Variants in SEPTIN14 observed in about 807,000 individuals in gnomAD.
SEPTIN14 encodes the protein septin 14.
SEPTIN14 carries 40 observed loss-of-function variants against 53.6 expected under a neutral mutation model. The observed-to-expected ratio is 0.75, with a 90% CI of 0.58 to 0.97. SEPTIN14 has a LOEUF of 0.97. SEPTIN14 is among the 50% of genes least tolerant of loss of function. The pLI is 0.00. For synonymous variants in SEPTIN14, 138 were observed against 166.8 expected (o/e 0.83, Z 1.33); for missense variants, 471 against 508.2 (o/e 0.93, Z 0.70).
intron 7 of SEPTIN14, among the ~76,000 whole-genome samples, chr7:55,812,034 A>T (rs1314980299): frequency 1.3e-5 from 2 of 152,106 alleles, no homozygotes; most frequent in African/African-American, 4.8e-5. Context: ...GCCTCAAGTG[A>T]TCCACCCGCC....
intron 6 of SEPTIN14, among the ~76,000 whole-genome samples, chr7:55,830,339 ATATATATATAT>A (rs747732722): frequency 0.22 from 13,369 of 59,542 alleles, 1,243 homozygotes; most frequent in East Asian, 0.48. Flanking sequence ...ATATATATAT[ATATATATATAT>A]TTTTTTTTTT....
chr7:55,826,402 C>G (rs554428121), intron 6 of SEPTIN14, among the ~76,000 whole-genome samples: 7 of 152,112 alleles, frequency 4.6e-5, no homozygotes, highest in Admixed American at 3.3e-4. Context: ...ATGGATTTCT[C>G]AAAAGAATCT....
At chr7:55,826,763 C>T (rs1490498968) in intron 6 of SEPTIN14, among the ~76,000 whole-genome samples, 1 of 150,462 alleles carries the variant, frequency 6.6e-6, no homozygotes, top group Non-Finnish European at 1.5e-5. Context: ...TGCCATTGTA[C>T]TCCAGCCTGG....
At chr7:55,827,427 G>T (rs1789009376) in intron 6 of SEPTIN14, among the ~76,000 whole-genome samples, 1 of 152,122 alleles carries the variant, frequency 6.6e-6, no homozygotes, top group African/African-American at 2.4e-5. Context: ...ATAGATGACT[G>T]GGTCTGTATG....
At chr7:55,854,866 T>C (rs966808663) in intron 2 of SEPTIN14, among the ~76,000 whole-genome samples, 1 of 152,106 alleles carries the variant, frequency 6.6e-6, no homozygotes, top group Admixed American at 6.5e-5. Context: ...AGAGAACATA[T>C]CAAAATTACA....
intron 6 of SEPTIN14, among the ~76,000 whole-genome samples, chr7:55,830,351 T>TA (rs1789087559): frequency 1.4e-5 from 1 of 69,576 alleles, no homozygotes; most frequent in Non-Finnish European, 2.5e-5. Context: ...ATATATATAT[T>TA]TTTTTTTTTT....
intron 6 of SEPTIN14, among the ~76,000 whole-genome samples, chr7:55,829,751 G>A (rs1265469111): frequency 1.4e-5 from 2 of 138,114 alleles, no homozygotes; most frequent in Non-Finnish European, 3.0e-5. Context: ...AACCTGGGAG[G>A]CAGAGGTTGC....
chr7:55,819,277 C>T (rs1788850405), intron 6 of SEPTIN14, 54 bp from the exon 7 acceptor site: 3 of 1,198,984 alleles, frequency 2.5e-6, no homozygotes, highest in African/African-American at 3.0e-5. Context: ...AGAGCTTACT[C>T]TATTACTCTC....
intron 2 of SEPTIN14, among the ~76,000 whole-genome samples, chr7:55,847,446 TA>T (rs1789434829): frequency 6.6e-6 from 1 of 152,168 alleles, no homozygotes; most frequent in African/African-American, 2.4e-5. Flanking sequence ...GAACATATTG[TA>T]AGTCAAAACT....
At chr7:55,821,486 C>G (rs1788895986) in intron 6 of SEPTIN14, among the ~76,000 whole-genome samples, 1 of 152,108 alleles carries the variant, frequency 6.6e-6, no homozygotes. Context: ...CCCAAGGGAC[C>G]TGAATAGCCA....
At chr7:55,819,344 CT>C in intron 6 of SEPTIN14, 121 bp from the exon 7 acceptor site, 1 of 694,744 alleles carries the variant, frequency 1.4e-6, no homozygotes, top group Middle Eastern at 3.4e-4. Flanking sequence ...AATCCCAGCA[CT>C]TTGGGAGGCC....
chr7:55,830,102 C>T (rs1158079967), intron 6 of SEPTIN14, among the ~76,000 whole-genome samples: 23 of 145,242 alleles, frequency 1.6e-4, no homozygotes, highest in African/African-American at 5.1e-4. Flanking sequence ...GGCGTGAACC[C>T]GGGAGGCGGA....
chr7:55,795,219 A>G lies in SEPTIN14; in HGVS notation c.*694T>C, dbSNP rs1415794846. Reference sequence around the variant, plus strand: ...AACATTTTATGCCTATGAGTCCCCAACAAAGCCTCCAGCTTCTATTTGGAT... The same window carrying G: ...AACATTTTATGCCTATGAGTCCCCAGCAAAGCCTCCAGCTTCTATTTGGAT... On this transcript the variant is annotated 3_prime_UTR_variant, in exon 10 of 10. Transcript: ENST00000388975. 6.6e-6 allele frequency: 1 copy of G among 152,234 alleles called. No homozygotes were observed. Among genetic ancestry groups the G allele is most frequent in the Non-Finnish European group, 1.5e-5 (1 of 68,076 alleles). The allele number at this position is 152,234 out of a possible 1,614,324, so 9.4% of individuals were successfully genotyped here. A position where few individuals can be genotyped will look rare whatever the true frequency, so the allele number is the denominator to read the frequency against.
chr7:55,848,254 C>T (rs941603585), intron 2 of SEPTIN14, among the ~76,000 whole-genome samples: 12 of 152,224 alleles, frequency 7.9e-5, no homozygotes, highest in Admixed American at 2.6e-4. Flanking sequence ...CTCCATCACC[C>T]GGGCTCCAGC....
At chr7:55,816,537 C>T (rs775776852) in intron 7 of SEPTIN14, among the ~76,000 whole-genome samples, 11 of 151,812 alleles carry the variant, frequency 7.2e-5, no homozygotes, top group Non-Finnish European at 1.3e-4. Context: ...TGGCTCATGC[C>T]TGTAATCCTA....
chr7:55,832,237 AC>A (rs1584263577), intron 6 of SEPTIN14, among the ~76,000 whole-genome samples: 2 of 151,582 alleles, frequency 1.3e-5, no homozygotes, highest in East Asian at 1.9e-4. Flanking sequence ...ACACACACAC[AC>A]ACACACAAAA....
chr7:55,844,477 C>A, intron 4 of SEPTIN14, 46 bp downstream of exon 4: 3 of 1,152,904 alleles, frequency 2.6e-6, no homozygotes, highest in South Asian at 2.3e-5. Context: ...AGTCAAATTC[C>A]TTGAAATAAG....
intron 9 of SEPTIN14, among the ~76,000 whole-genome samples, chr7:55,802,253 C>G (rs1309494831): frequency 1.3e-5 from 2 of 152,154 alleles, no homozygotes; most frequent in African/African-American, 4.8e-5. Context: ...GATCTGCCTG[C>G]CTCGGCCTCC....
chr7:55,801,079 A>G (rs1307361743), intron 9 of SEPTIN14, among the ~76,000 whole-genome samples: 1 of 152,152 alleles, frequency 6.6e-6, no homozygotes, highest in Non-Finnish European at 1.5e-5. Flanking sequence ...AGTGAAGTTT[A>G]TTGCAATAAA....
Sources: allele counts gnomAD v4.1 joint callset (sites outside exome capture counted in the v4.1 genomes callset), GRCh38; gene constraint gnomAD v4.1.1; transcripts MANE v1.5; gene names NCBI Gene and HGNC (gene_info 2026-07-23, HGNC 2026-07-21).